NEB: variants seen among roughly 807,000 people sequenced by gnomAD.
NEB encodes the protein nemaline myopathy type 2.
In NEB, 512 loss-of-function variants were observed where a neutral mutation model predicts 952.2. The ratio of observed to expected loss-of-function variants is 0.54; its 90% CI spans 0.50 to 0.58. The LOEUF (loss-of-function observed/expected upper bound fraction) is 0.58. Ranked by LOEUF, NEB falls within the 20% of genes least tolerant of loss-of-function variation. The probability of loss-of-function intolerance (pLI) is 0.00; values close to 1 mark genes in which losing one functional copy is unlikely to be tolerated. For missense variants in NEB, 8,428 were observed against 9,231.1 expected (o/e 0.91, Z 3.56); for synonymous variants, 2,900 against 3,149.8 (o/e 0.92, Z 2.66).
At position 151,725,520 on chromosome 2, in the gene NEB, G is replaced by A. The variant is rs768281385; in HGVS notation, c.335C>T (p.Pro112Leu). The change falls in exon 6 of 182, where the codon CCA becomes CTA. Residue 112 changes from proline to leucine, a missense_variant. By Grantham distance (98) the Pro-to-Leu change is moderately conservative. Transcript: ENST00000397345. ...KEKFEKTKGQ[P>L]YASTTDTPEL... ...TGGAGTATCTGTTGTGCTGGCGTAT[G>A]GCTGTCCTTTTGTTTTCTCAAACTT... is the stretch of plus-strand genomic sequence containing the variant. 6.2e-7 allele frequency: 1 copy of A among 1,613,578 alleles called. No individual in the cohort carries two copies. Among genetic ancestry groups the A allele is most frequent in the Non-Finnish European group, 8.5e-7 (1 of 1,179,686 alleles).
chr2:151,563,488 G>A (rs2096213110), intron 119 of NEB, 118 bp downstream of exon 119: 2 of 841,250 alleles, frequency 2.4e-6, no homozygotes, highest in Non-Finnish European at 4.0e-6. Flanking sequence ...ATCTCAGGAA[G>A]GACCCTACGC....
Position 151,549,605 on chromosome 2 carries a change from G to A in NEB, c.20049+31C>T, listed in dbSNP as rs541765128. 7 of 1,418,318 alleles carry A rather than the reference G, an allele frequency of 4.9e-6. No homozygotes were observed. In the East Asian group the frequency reaches 1.4e-4, roughly 29 times the overall value. The allele number at this position is 1,418,318 out of a possible 1,614,324, so 87.9% of individuals were successfully genotyped here. ...TGAGTCTCCTGCCACCCCACCTTCA[G>A]ACCCATCTCAATGAGGAGGAGACCA... On this transcript the variant is annotated intron_variant, in intron 130 of 181. Coordinates refer to ENST00000397345, the MANE Select transcript of NEB (RefSeq NM_001164508.2).
At chr2:151,574,824 TG>T (rs1036991825) in intron 107 of NEB, among the ~76,000 whole-genome samples, 3 of 152,090 alleles carry the variant, frequency 2.0e-5, no homozygotes, top group African/African-American at 7.2e-5. Flanking sequence ...CTCTTCCTCC[TG>T]GGCTCAAGTG....
intron 51 of NEB, 132 bp downstream of exon 51, chr2:151,655,138 T>C (rs1011116736): frequency 1.3e-5 from 7 of 540,022 alleles, no homozygotes; most frequent in East Asian, 6.4e-5. Context: ...TTTTGCAACA[T>C]CCTGGGCTAA....
chr2:151,632,318 A>C (rs1214873803), intron 65 of NEB, among the ~76,000 whole-genome samples: 1 of 151,774 alleles, frequency 6.6e-6, no homozygotes, highest in African/African-American at 2.4e-5. Context: ...GTCTAGACAA[A>C]AAAAAAAAAA....
At chr2:151,568,567 T>A in intron 111 of NEB, 51 bp downstream of exon 111, 3 of 1,490,190 alleles carry the variant, frequency 2.0e-6, no homozygotes, top group Non-Finnish European at 2.8e-6. Flanking sequence ...GGAAAAGCTT[T>A]GGAAGTGATA....
intron 8 of NEB, among the ~76,000 whole-genome samples, chr2:151,723,746 CTTTGTTTTTTTTTTTTT>C (rs2099781795): frequency 1.8e-5 from 1 of 55,914 alleles, no homozygotes; most frequent in Non-Finnish European, 3.7e-5. Flanking sequence ...TACCTGCCTT[CTTTGTTTTTTTTTTTTT>C]TTTTTTTTTT....
At chr2:151,518,266 T>C in intron 156 of NEB, 52 bp downstream of exon 156, 1 of 1,295,406 alleles carries the variant, frequency 7.7e-7, no homozygotes, top group Non-Finnish European at 1.1e-6. Context: ...TTTTTCACAT[T>C]GTACTGTGGA....
At chr2:151,680,513 T>C (rs1481163663) in intron 30 of NEB, among the ~76,000 whole-genome samples, 1 of 152,154 alleles carries the variant, frequency 6.6e-6, no homozygotes, top group Non-Finnish European at 1.5e-5. Flanking sequence ...TAGAAAGAAA[T>C]GTCAAATGGC....
In NEB at chr2:151,696,602, A is replaced by G. The variant is rs572480524; in HGVS notation, c.1569+35T>C. On this transcript the variant is annotated intron_variant, in intron 17 of 181. Transcript: ENST00000397345. ...ATAGAGTTATGAAATGTTATCCCTC[A>G]TAATTGGGTGTCCTGAGTAGTTAGA... is the stretch of plus-strand genomic sequence containing the variant. 11 of 1,484,340 alleles carry G rather than the reference A, an allele frequency of 7.4e-6. No individual in the cohort carries two copies. In the South Asian group the frequency reaches 1.0e-4, roughly 14 times the overall value. 91.9% of individuals were successfully genotyped at this position (1,484,340 alleles called of 1,614,324 possible).
At chr2:151,546,520 C>A in intron 133 of NEB, 77 bp from the exon 134 acceptor site, 1 of 817,166 alleles carries the variant, frequency 1.2e-6, no homozygotes, top group Non-Finnish European at 2.1e-6. Context: ...AGTAGCAACA[C>A]TTCTTAATTA....
chr2:151,547,665 TGGC>T lies in NEB; in HGVS notation c.20228_20230del (p.Arg6743del). The T allele has an allele frequency of 1.9e-6, 3 of 1,613,856 alleles. No individual in the cohort carries two copies. The highest frequency in any genetic ancestry group is 2.5e-6 in the Non-Finnish European group (3 of 1,179,816). ...GACAGCCTCTTGTGTCTTCTTGACT[TGGC>T]GGATCTCAGGGGTATCGGGAGTTGT... is the stretch of plus-strand genomic sequence containing the variant. On this transcript the variant is annotated inframe_deletion, in exon 132 of 182. Transcript: ENST00000397345.
intron 10 of NEB, among the ~76,000 whole-genome samples, chr2:151,711,253 G>A (rs749630865): frequency 9.2e-5 from 14 of 152,120 alleles, no homozygotes; most frequent in Non-Finnish European, 1.6e-4. Flanking sequence ...AAATACCTTG[G>A]CTGAAGTGTT....
At chr2:151,646,281 A>G (rs2098956495) in intron 54 of NEB, 47 bp from the exon 55 acceptor site, 2 of 1,353,118 alleles carry the variant, frequency 1.5e-6, no homozygotes, top group Middle Eastern at 1.8e-4. Flanking sequence ...TAGATTAGTG[A>G]ATGATACAGT....
At chr2:151,643,467 T>G (rs1394795284) in intron 57 of NEB, 114 bp from the exon 58 acceptor site, 1 of 892,472 alleles carries the variant, frequency 1.1e-6, no homozygotes, top group Non-Finnish European at 1.6e-6. Flanking sequence ...TACTCTATAT[T>G]TTTAATACTT....
At chr2:151,546,122 T>C in intron 134 of NEB, 124 bp from the exon 135 acceptor site, 1 of 756,720 alleles carries the variant, frequency 1.3e-6, no homozygotes, top group East Asian at 2.7e-5. Flanking sequence ...CCTGGATGTC[T>C]TCCCAGGCAG....
At position 151,725,548 on chromosome 2, in the gene NEB, C is replaced by A; in HGVS notation, c.307G>T (p.Glu103Ter). 2 of 1,613,140 alleles carry A rather than the reference C, an allele frequency of 1.2e-6. No individual in the cohort carries two copies. Among genetic ancestry groups the A allele is most frequent in the Non-Finnish European group, 1.7e-6 (2 of 1,179,320 alleles). ...QDLFSPNKYK[E>*]KFEKTKGQPY... ...TGTCCTTTTGTTTTCTCAAACTTCTCCTTGTATTTATTCTGAAAAGAATAT... is the reference window on the plus strand; with the variant it reads ...TGTCCTTTTGTTTTCTCAAACTTCTACTTGTATTTATTCTGAAAAGAATAT... Residue 103 changes from glutamate to a stop codon, truncating the protein, a stop_gained, in exon 6 of 182, where the codon GAG becomes TAG. Coordinates refer to ENST00000397345, the MANE Select transcript of NEB (RefSeq NM_001164508.2). LOFTEE classifies it high-confidence loss of function.
chr2:151,499,177 G>A (rs1403774140), intron 169 of NEB, 121 bp downstream of exon 169: 6 of 534,220 alleles, frequency 1.1e-5, no homozygotes, highest in Non-Finnish European at 2.0e-5. Context: ...GCAGCATTAA[G>A]TTGGGAAAAA....
chr2:151,663,711 G>A lies in NEB; in HGVS notation c.5600C>T (p.Thr1867Ile), dbSNP rs757299256. The change falls in exon 45 of 182, where the codon ACC becomes ATC. Residue 1867 changes from threonine (T) to isoleucine (I), a missense_variant. By Grantham distance (89) the Thr-to-Ile change is moderately conservative (BLOSUM62 -1). This residue lies in a region of NEB where 2,851 missense variants were observed against 2,791.5 expected (regional missense o/e 1.02). Coordinates refer to ENST00000397345, the MANE Select transcript of NEB (RefSeq NM_001164508.2). ...CATGTCCACCGGGGTGTGGAAGGAG[G>A]TCTTGGATTTCTCATATCCCTTCTT... ...EYKKGYEKSK[T>I]SFHTPVDMLS... 1.2e-6 allele frequency: 2 copies of A among 1,613,778 alleles called. No individual in the cohort carries two copies. Among genetic ancestry groups the A allele is most frequent in the African/African-American group, 1.3e-5 (1 of 75,020 alleles).
Sources: allele counts gnomAD v4.1 joint callset (sites outside exome capture counted in the v4.1 genomes callset), GRCh38; gene constraint gnomAD v4.1.1; regional missense constraint gnomAD v4.1.1; transcripts MANE v1.5; gene names NCBI Gene and HGNC (gene_info 2026-07-23, HGNC 2026-07-21).